CCDC73: variants seen among roughly 807,000 people sequenced by gnomAD.
The protein encoded by CCDC73 is coiled-coil domain-containing protein 73.
A neutral mutation model predicts 116.5 loss-of-function variants in CCDC73; 95 were observed. The observed-to-expected ratio is 0.82, with a 90% CI of 0.69 to 0.97. The LOEUF (loss-of-function observed/expected upper bound fraction) is 0.97, where lower values mean the gene tolerates loss of function less well. CCDC73 is among the 50% of genes least tolerant of loss of function. The pLI, the probability that CCDC73 is intolerant of heterozygous loss-of-function variation, is 0.00. For missense variants in CCDC73, 1,066 were observed against 1,206.8 expected (o/e 0.88, Z 1.73); for synonymous variants, 398 against 401.3 (o/e 0.99, Z 0.10).
chr11:32,676,122 T>G (rs1481171969), intron 7 of CCDC73, 101 bp from the exon 8 acceptor site: 18 of 861,930 alleles, frequency 2.1e-5, no homozygotes, highest in Non-Finnish European at 3.0e-5. Context: ...CTGTTGTTAG[T>G]AATATAACAT....
At chr11:32,773,775 GT>G (rs1242741366) in intron 1 of CCDC73, among the ~76,000 whole-genome samples, 2 of 99,368 alleles carry the variant, frequency 2.0e-5, no homozygotes, top group African/African-American at 7.8e-5. Context: ...GCAAGATGCT[GT>G]CTCAAAAAAA....
chr11:32,673,788 G>A (rs972776808), intron 9 of CCDC73, among the ~76,000 whole-genome samples: 5 of 152,308 alleles, frequency 3.3e-5, no homozygotes, highest in East Asian at 1.9e-4. Context: ...AAAGGTGCAC[G>A]AAGGATATAA....
At chr11:32,673,865 C>G (rs1209682405) in intron 9 of CCDC73, among the ~76,000 whole-genome samples, 1 of 152,122 alleles carries the variant, frequency 6.6e-6, no homozygotes, top group East Asian at 1.9e-4. Flanking sequence ...ACCTCTAGAC[C>G]CAGAAGGTCA....
upstream of CCDC73, among the ~76,000 whole-genome samples, chr11:32,798,146 C>T (rs766530731): frequency 2.0e-5 from 3 of 152,156 alleles, no homozygotes; most frequent in Non-Finnish European, 2.9e-5. Flanking sequence ...TTTCAAAATC[C>T]GAAAACCCTG....
the CCDC73 span, among the ~76,000 whole-genome samples, chr11:32,805,398 C>T: frequency 6.0e-4 from 91 of 152,184 alleles, no homozygotes; most frequent in Non-Finnish European, 6.2e-4. Flanking sequence ...ATAGTAAATC[C>T]CTGTGACATT....
At chr11:32,647,800 G>T (rs962704157) in intron 12 of CCDC73, among the ~76,000 whole-genome samples, 1 of 148,390 alleles carries the variant, frequency 6.7e-6, no homozygotes, top group Admixed American at 6.8e-5. Flanking sequence ...TATCATACTC[G>T]TAGTAGTAAA....
the CCDC73 span, chr11:32,829,968 C>T: frequency 1.0e-6 from 1 of 985,570 alleles, no homozygotes; most frequent in Non-Finnish European, 1.2e-6. Context: ...GACCTCACCC[C>T]GCGCGTGTTC....
intron 9 of CCDC73, among the ~76,000 whole-genome samples, chr11:32,663,171 G>A (rs1005403047): frequency 9.2e-5 from 14 of 152,276 alleles, no homozygotes; most frequent in Admixed American, 3.3e-4. Flanking sequence ...GGCAATGCGT[G>A]TCTTTTTTGG....
intron 9 of CCDC73, among the ~76,000 whole-genome samples, chr11:32,675,047 T>C (rs1856073520): frequency 6.6e-6 from 1 of 152,200 alleles, no homozygotes; most frequent in South Asian, 2.1e-4. Context: ...CTTCACCCTC[T>C]TACCCCCAAT....
chr11:32,736,931 T>C (rs1850135507), intron 2 of CCDC73, among the ~76,000 whole-genome samples: 1 of 97,738 alleles, frequency 1.0e-5, no homozygotes, highest in African/African-American at 3.9e-5. Flanking sequence ...AAACACCACA[T>C]GTTCTCACAT....
intron 12 of CCDC73, among the ~76,000 whole-genome samples, chr11:32,651,514 C>T (rs1200294213): frequency 6.6e-6 from 1 of 152,138 alleles, no homozygotes; most frequent in Non-Finnish European, 1.5e-5. Flanking sequence ...GAGTAGGAGG[C>T]AAAGCAGGAC....
chr11:32,677,979 A>G (rs866533134), intron 7 of CCDC73, among the ~76,000 whole-genome samples: 1 of 121,874 alleles, frequency 8.2e-6, no homozygotes, highest in South Asian at 2.8e-4. Flanking sequence ...AAAAAAAAAA[A>G]CCCACAACCA....
chr11:32,691,047 CTTT>C (rs145108336), intron 6 of CCDC73, among the ~76,000 whole-genome samples: 3 of 142,092 alleles, frequency 2.1e-5, no homozygotes, highest in Non-Finnish European at 3.1e-5. Context: ...CTGGCAACCA[CTTT>C]TTTTTTTTTT....
At chr11:32,761,168 T>C (rs1017555926) in intron 1 of CCDC73, among the ~76,000 whole-genome samples, 1 of 152,182 alleles carries the variant, frequency 6.6e-6, no homozygotes, top group African/African-American at 2.4e-5. Flanking sequence ...TCTATCTCCG[T>C]AATTTTGTTG....
upstream of CCDC73, among the ~76,000 whole-genome samples, chr11:32,796,778 G>A (rs1850730858): frequency 6.6e-6 from 1 of 152,262 alleles, no homozygotes; most frequent in African/African-American, 2.4e-5. Context: ...GGGAGGCCAA[G>A]GTGAGTGGAC....
chr11:32,701,288 T>C (rs1409178019), intron 4 of CCDC73, among the ~76,000 whole-genome samples: 1 of 152,222 alleles, frequency 6.6e-6, no homozygotes, highest in African/African-American at 2.4e-5. Flanking sequence ...TTATATCATT[T>C]TCCAAAGGTA....
chr11:32,684,394 A>G (rs534193394), intron 6 of CCDC73, among the ~76,000 whole-genome samples: 1 of 152,338 alleles, frequency 6.6e-6, no homozygotes, highest in African/African-American at 2.4e-5. Context: ...TTTAAAAAAG[A>G]GCCAGTAGAA....
At chr11:32,611,631 C>G (rs1329732340) in intron 16 of CCDC73, among the ~76,000 whole-genome samples, 1 of 152,114 alleles carries the variant, frequency 6.6e-6, no homozygotes, top group East Asian at 1.9e-4. Flanking sequence ...TTTACCAACT[C>G]AGATTAATGG....
chr11:32,753,293 CTTT>C (rs11309977), intron 2 of CCDC73, among the ~76,000 whole-genome samples: 17 of 127,816 alleles, frequency 1.3e-4, no homozygotes, highest in African/African-American at 3.2e-4. Flanking sequence ...TTCTTTTCTG[CTTT>C]TTTTTTTTTT....
Sources: gnomAD v4.1 joint callset for allele counts (sites outside exome capture counted in the v4.1 genomes callset) on GRCh38, gnomAD v4.1.1 for gene constraint, MANE v1.5 for transcripts, NCBI Gene and HGNC (gene_info 2026-07-23, HGNC 2026-07-21) for gene names.